The following ESM1 variants were observed in gnomAD, a reference collection of about 807,000 sequenced individuals.
The protein encoded by ESM1 is endothelial cell specific molecule 1, also known as endothelial cell-specific molecule 1.
Under a neutral mutation model 14.9 loss-of-function variants are expected in ESM1, and 7 were observed. That is an observed-to-expected ratio of 0.47 (90% CI 0.27 to 0.88). ESM1 has a LOEUF of 0.88. Among genes scored for constraint, ESM1 ranks in the 40% least tolerant of loss-of-function variants. The pLI is 0.14. For synonymous variants in ESM1, 89 were observed against 89.4 expected (o/e 1.00, Z 0.02); for missense variants, 192 against 237.9 (o/e 0.81, Z 1.27).
At chr5:54,983,784 T>C (rs182631695) in intron 1 of ESM1, among the ~76,000 whole-genome samples, 9 of 152,346 alleles carry the variant, frequency 5.9e-5, no homozygotes, top group Non-Finnish European at 1.0e-4. Context: ...CCATATGTAA[T>C]GTACATTTAC....
Position 54,978,069 on chromosome 5 carries a change from C to T in ESM1, c.*1263G>A, listed in dbSNP as rs1460610366. On this transcript the variant is annotated 3_prime_UTR_variant, in exon 3 of 3. Transcript: ENST00000381405. Reference sequence around the variant, plus strand: ...CAAATAAAATACTTCTGAGATATTTCCTAAGAACATCTAGTACAACAGTCC... The same window carrying T: ...CAAATAAAATACTTCTGAGATATTTTCTAAGAACATCTAGTACAACAGTCC... The T allele has an allele frequency of 6.6e-6, 1 of 152,098 alleles. No homozygotes were observed. Among genetic ancestry groups the T allele is most frequent in the East Asian group, 1.9e-4 (1 of 5,206 alleles). The allele number at this position is 152,098 out of a possible 1,614,324, so 9.4% of individuals were successfully genotyped here.
rs1391307971 is a variant in ESM1, at chr5:54,978,523, C to T, written c.*809G>A. 1.3e-5 allele frequency: 2 copies of T among 152,004 alleles called. No homozygotes were observed. Among genetic ancestry groups the T allele is most frequent in the Admixed American group, 6.6e-5 (1 of 15,256 alleles). 9.4% of individuals were successfully genotyped at this position (152,004 alleles called of 1,614,324 possible). A position where few individuals can be genotyped will look rare whatever the true frequency, so the allele number is the denominator to read the frequency against. ...AAATATGGGTAGGGAAGATGACTTG[C>T]ACTAACACATTTATTTATAAAAATA... On this transcript the variant is annotated 3_prime_UTR_variant, in exon 3 of 3. Coordinates refer to ENST00000381405, the MANE Select transcript of ESM1 (RefSeq NM_007036.5).
In ESM1 at chr5:54,985,386, C is replaced by T; in HGVS notation, c.132G>A (p.Lys44=). 6.2e-7 allele frequency: 1 copy of T among 1,614,234 alleles called. No homozygotes were observed. ...SSECKSSPRC[K]RTVLDDCGCC... Reference sequence around the variant, plus strand: ...AGCCACAGTCGTCGAGCACTGTCCTCTTGCAGCGCGGGCTGCTTTTGCACT... The same window carrying T: ...AGCCACAGTCGTCGAGCACTGTCCTTTTGCAGCGCGGGCTGCTTTTGCACT... The change falls in exon 1 of 3, where the codon AAG becomes AAA. Residue 44 remains lysine (K), a synonymous_variant. Coordinates refer to ENST00000381405, the MANE Select transcript of ESM1 (RefSeq NM_007036.5).
intron 2 of ESM1, among the ~76,000 whole-genome samples, chr5:54,979,827 T>G (rs182198784): frequency 6.6e-6 from 1 of 152,350 alleles, no homozygotes; most frequent in Non-Finnish European, 1.5e-5. Flanking sequence ...AGGCAAATGT[T>G]GTACAAACAG....
At chr5:54,980,521 T>C (rs1319676167) in intron 2 of ESM1, among the ~76,000 whole-genome samples, 1 of 152,148 alleles carries the variant, frequency 6.6e-6, no homozygotes, top group Non-Finnish European at 1.5e-5. Flanking sequence ...TTTTCTGCTC[T>C]CCATCCTGAA....
rs183655418 is a variant in ESM1 at position 54,985,184 on chromosome 5, C to A, written c.301+33G>T. The stretch of plus-strand genomic sequence containing the variant: ...GCTGGCTAAAAGCTCTCAGCATGCC[C>A]CGGGAGGGGAGAGGTAAGGGGTCAC... On this transcript the variant is annotated intron_variant, in intron 1 of 2. Transcript: ENST00000381405. 168 of 1,555,582 alleles carry A rather than the reference C, an allele frequency of 1.1e-4. No homozygotes were observed. The African/African-American group carries it at 2.1e-3, about 19-fold the overall frequency.
At position 54,979,146 on chromosome 5, in the gene ESM1, T is replaced by C; in HGVS notation, c.*186A>G. 1 of 558,500 alleles carries C rather than the reference T, an allele frequency of 1.8e-6. No individual in the cohort carries two copies. Among genetic ancestry groups the C allele is most frequent in the African/African-American group, 1.9e-5 (1 of 52,840 alleles). The allele number at this position is 558,500 out of a possible 1,614,324, so 34.6% of individuals were successfully genotyped here. The stretch of plus-strand genomic sequence containing the variant: ...CGAATATTTAACAAACACATACAAG[T>C]GTTCAGTCATATGGATGTTATGGAT... On this transcript the variant is annotated 3_prime_UTR_variant, in exon 3 of 3. Transcript: ENST00000381405.
chr5:54,982,637 C>G (rs906599615), intron 1 of ESM1, among the ~76,000 whole-genome samples: 5 of 152,202 alleles, frequency 3.3e-5, no homozygotes, highest in Non-Finnish European at 5.9e-5. Context: ...AGGGAGAGAG[C>G]TATCATCCTA....
chr5:54,983,533 G>C (rs1740438596), intron 1 of ESM1, among the ~76,000 whole-genome samples: 1 of 152,182 alleles, frequency 6.6e-6, no homozygotes, highest in East Asian at 1.9e-4. Flanking sequence ...TTTTCACGTG[G>C]ATGTTCTTTT....
chr5:54,979,863 C>G (rs376169588), intron 2 of ESM1, among the ~76,000 whole-genome samples: 1 of 152,278 alleles, frequency 6.6e-6, no homozygotes, highest in African/African-American at 2.4e-5. Context: ...CTTACACTAA[C>G]TGGTATGAAA....
chr5:54,983,175 G>A (rs1740430373), intron 1 of ESM1, among the ~76,000 whole-genome samples: 1 of 152,102 alleles, frequency 6.6e-6, no homozygotes, highest in Admixed American at 6.6e-5. Context: ...TTTTTAAAGA[G>A]ATCTATGAGT....
intron 1 of ESM1, among the ~76,000 whole-genome samples, chr5:54,984,433 T>A (rs941252230): frequency 6.6e-6 from 1 of 152,224 alleles, no homozygotes; most frequent in African/African-American, 2.4e-5. Context: ...TATTTTAAAC[T>A]AGTTACTATG....
chr5:54,983,870 ATT>A (rs1740451662), intron 1 of ESM1, among the ~76,000 whole-genome samples: 1 of 152,210 alleles, frequency 6.6e-6, no homozygotes, highest in Admixed American at 6.5e-5. Flanking sequence ...CATAAGTATG[ATT>A]GTGTTAACCA....
At chr5:54,982,502 A>T (rs1201338869) in intron 1 of ESM1, among the ~76,000 whole-genome samples, 1 of 152,206 alleles carries the variant, frequency 6.6e-6, no homozygotes, top group Non-Finnish European at 1.5e-5. Context: ...AAAGGTGGGA[A>T]ATTGAACAGA....
chr5:54,981,447 C>CA (rs1744049879), intron 2 of ESM1, among the ~76,000 whole-genome samples: 1 of 152,122 alleles, frequency 6.6e-6, no homozygotes, highest in African/African-American at 2.4e-5. Context: ...CATTCATTTC[C>CA]AAAATTTCAA....
Position 54,982,412 on chromosome 5 carries a change from C to T in ESM1, c.302-266G>A, listed in dbSNP as rs141440484. On this transcript the variant is annotated intron_variant, in intron 1 of 2. Transcript: ENST00000381405. The stretch of plus-strand genomic sequence containing the variant: ...GAAGACAGCTACACACAGCCAGTCT[C>T]CTTGGACCAGTCTTCATTCTGGTGA... Among the ~76,000 whole-genome samples, 885 of 152,240 alleles carry T rather than the reference C, an allele frequency of 5.8e-3. 3 individuals are homozygous for T. Among genetic ancestry groups the T allele is most frequent in the African/African-American group, 8.4e-3 (347 of 41,538 alleles).
rs976062761 is a variant in ESM1, at chr5:54,977,883, T to A, written c.*1449A>T. ...CAGAGAAGCTGTATCTTGTTCTTTT[T>A]TATTGAACAATAATAAACATGTCCT... On this transcript the variant is annotated 3_prime_UTR_variant, in exon 3 of 3. Coordinates refer to ENST00000381405, the MANE Select transcript of ESM1 (RefSeq NM_007036.5). 2.6e-5 allele frequency: 4 copies of A among 152,212 alleles called. No individual in the cohort carries two copies. 9.4% of individuals were successfully genotyped at this position (152,212 alleles called of 1,614,324 possible).
In ESM1 at chr5:54,978,764, A is replaced by T. The variant is rs1743987228; in HGVS notation, c.*568T>A. The T allele has an allele frequency of 6.6e-6, 1 of 152,296 alleles. No individual in the cohort carries two copies. The highest frequency in any genetic ancestry group is 2.1e-4 in the South Asian group (1 of 4,816). 9.4% of individuals were successfully genotyped at this position (152,296 alleles called of 1,614,324 possible). A position where few individuals can be genotyped will look rare whatever the true frequency, so the allele number is the denominator to read the frequency against. On this transcript the variant is annotated 3_prime_UTR_variant, in exon 3 of 3. Transcript: ENST00000381405. ...GCTGTTTGTTACTCAAATTTCCATA[A>T]GCTTCAAACATCTTACTTCCTTCAG...
chr5:54,979,249 A>G lies in ESM1; in HGVS notation c.*83T>C, dbSNP rs919274902. ...TTCAAAAATTACATGTCCTTATGCT[A>G]TAATCTAGAAAGTTCCTAAAATGTT... On this transcript the variant is annotated 3_prime_UTR_variant, in exon 3 of 3. Transcript: ENST00000381405. The G allele has an allele frequency of 4.0e-6, 4 of 997,850 alleles. No individual in the cohort carries two copies. Among genetic ancestry groups the G allele is most frequent in the African/African-American group, 1.6e-5 (1 of 62,542 alleles). The allele number at this position is 997,850 out of a possible 1,614,324, so 61.8% of individuals were successfully genotyped here.
Sources: gnomAD v4.1 joint callset for allele counts (sites outside exome capture counted in the v4.1 genomes callset) on GRCh38, gnomAD v4.1.1 for gene constraint, MANE v1.5 for transcripts, NCBI Gene and HGNC (gene_info 2026-07-23, HGNC 2026-07-21) for gene names.